MMP14: variants seen among roughly 807,000 people sequenced by gnomAD.
MMP14 encodes the protein matrix metallopeptidase 14.
A neutral mutation model predicts 64.8 loss-of-function variants in MMP14; 13 were observed. That is an observed-to-expected ratio of 0.20 (90% CI 0.13 to 0.32). MMP14 has a LOEUF of 0.32. Among genes scored for constraint, MMP14 ranks in the 10% least tolerant of loss-of-function variants. The pLI is 1.00. For synonymous variants in MMP14, 322 were observed against 315.9 expected, an observed-to-expected ratio of 1.02 and a Z score of -0.20; for missense variants, 594 against 783.8, an observed-to-expected ratio of 0.76 and a Z score of 2.89.
chr14:22,841,919 G>T lies in MMP14; in HGVS notation c.264G>T (p.Met88Ile). 1 of 1,614,228 alleles carries T rather than the reference G, an allele frequency of 6.2e-7. No homozygotes were observed. The highest frequency in any genetic ancestry group is 8.5e-7 in the Non-Finnish European group (1 of 1,180,050). ...GKADADTMKA[M>I]RRPRCGVPDK... ...GCACCCAAACCCACTCCAGGGCCATGAGGCGCCCCCGATGTGGTGTTCCAG... is the reference window on the plus strand; with the variant it reads ...GCACCCAAACCCACTCCAGGGCCATTAGGCGCCCCCGATGTGGTGTTCCAG... Residue 88 changes from methionine (M) to isoleucine (I), a missense_variant, in exon 3 of 10, where the codon ATG (methionine) becomes ATT (isoleucine). Transcript: ENST00000311852.
rs148114152 is a variant in MMP14, at chr14:22,845,109, G to A, written c.1302-142G>A. 3.7e-4 allele frequency: 243 copies of A among 657,690 alleles called. 1 individual carries two copies. The African/African-American group carries it at 3.8e-3, about 10-fold the overall frequency. The allele number at this position is 657,690 out of a possible 1,614,324, so 40.7% of individuals were successfully genotyped here. A position where few individuals can be genotyped will look rare whatever the true frequency, so the allele number is the denominator to read the frequency against. On this transcript the variant is annotated intron_variant, in intron 8 of 9. Coordinates refer to ENST00000311852, the MANE Select transcript of MMP14 (RefSeq NM_004995.4). The stretch of plus-strand genomic sequence containing the variant: ...CCACCCCCACCTTCCGCCGCTTTCA[G>A]CAGCAGGTCCTCATTACTCAAAACC...
Position 22,843,642 on chromosome 14 carries a change from C to G in MMP14, c.851-68C>G. The G allele has an allele frequency of 1.3e-6, 2 of 1,517,390 alleles. No individual in the cohort carries two copies. The highest frequency in any genetic ancestry group is 8.9e-7 in the Non-Finnish European group (1 of 1,124,102). 94.0% of individuals were successfully genotyped at this position (1,517,390 alleles called of 1,614,324 possible). Reference sequence around the variant, plus strand: ...ACACCTTTCCAAGGGTATTGTCTGCCCATCTGTCTGTCCTTCCGTCCCCGC... The same window carrying G: ...ACACCTTTCCAAGGGTATTGTCTGCGCATCTGTCTGTCCTTCCGTCCCCGC... On this transcript the variant is annotated intron_variant, in intron 5 of 9. Coordinates refer to ENST00000311852, the MANE Select transcript of MMP14 (RefSeq NM_004995.4). This position sits in a 1 kb window ranked among gnomAD's most constrained non-coding sequence, Gnocchi z 4.8.
In MMP14 at chr14:22,837,370, G is replaced by T. The variant is rs570042894; in HGVS notation, c.108+445G>T. On this transcript the variant is annotated intron_variant, in intron 1 of 9. Coordinates refer to ENST00000311852, the MANE Select transcript of MMP14 (RefSeq NM_004995.4). ...AGCTCTCCAGCGCTCTCCCGCCGGC[G>T]CGCCCTCCGATGGGCGCTTCGGCCT... 3.4e-4 allele frequency: 155 copies of T among 456,630 alleles called. 1 individual carries two copies. The highest frequency in any genetic ancestry group is 1.3e-3 in the South Asian group (85 of 64,568). The allele number at this position is 456,630 out of a possible 1,614,324, so 28.3% of individuals were successfully genotyped here. A position where few individuals can be genotyped will look rare whatever the true frequency, so the allele number is the denominator to read the frequency against.
chr14:22,842,699 AGGAATG>A lies in MMP14; in HGVS notation c.671_676del (p.Arg224_Glu226delinsLys). The A allele has an allele frequency of 6.2e-7, 1 of 1,604,022 alleles. No individual in the cohort carries two copies. Among genetic ancestry groups the A allele is most frequent in the Non-Finnish European group, 8.5e-7 (1 of 1,173,050 alleles). ...TGACTCTGCCGAGCCTTGGACTGTC[AGGAATG>A]AGGATCTGAATGGTGAGCCAAGTAT... On this transcript the variant is annotated inframe_deletion, in exon 4 of 10. Coordinates refer to ENST00000311852, the MANE Select transcript of MMP14 (RefSeq NM_004995.4). This position sits in a 1 kb window ranked among gnomAD's most constrained non-coding sequence, Gnocchi z 5.3.
intron 1 of MMP14, 71 bp from the exon 2 acceptor site, chr14:22,841,420 C>A: frequency 6.3e-7 from 1 of 1,574,938 alleles, no homozygotes; most frequent in Non-Finnish European, 8.6e-7. Flanking sequence ...GTATGCTGGG[C>A]ATTGTCGGGG....
At chr14:22,837,920 C>A (rs2138734584) in intron 1 of MMP14, among the ~76,000 whole-genome samples, 2 of 152,316 alleles carry the variant, frequency 1.3e-5, no homozygotes, top group Middle Eastern at 6.8e-3. Context: ...GCCATCTCAA[C>A]CCACTCAGCC....
Position 22,844,443 on chromosome 14 carries a change from C to T in MMP14, c.1084C>T (p.Arg362Trp), listed in dbSNP as rs775551564. The stretch of plus-strand genomic sequence containing the variant: ...CCCAATGCCCATTGGCCAGTTCTGG[C>T]GGGGCCTGCCTGCGTCCATCAACAC... ...GYPMPIGQFW[R>W]GLPASINTAY... Residue 362 changes from arginine (R) to tryptophan (W), a missense_variant, in exon 7 of 10, where the codon CGG becomes TGG. Around this residue, in one of 4 missense-constraint regions of MMP14, gnomAD observed 364 missense variants for 425.2 expected, o/e 0.86. Coordinates refer to ENST00000311852, the MANE Select transcript of MMP14 (RefSeq NM_004995.4). The T allele has an allele frequency of 1.1e-5, 18 of 1,613,964 alleles. No homozygotes were observed. The highest frequency in any genetic ancestry group is 1.6e-4 in the Middle Eastern group (1 of 6,084).
chr14:22,846,056 G>T lies in MMP14; in HGVS notation c.*17G>T. The T allele has an allele frequency of 6.9e-7, 1 of 1,457,648 alleles. No individual in the cohort carries two copies. 90.3% of individuals were successfully genotyped at this position (1,457,648 alleles called of 1,614,324 possible). A position where few individuals can be genotyped will look rare whatever the true frequency, so the allele number is the denominator to read the frequency against. On this transcript the variant is annotated 3_prime_UTR_variant, in exon 10 of 10. Transcript: ENST00000311852. ...AAGGTCTGACGCCCACCGCCGGCCC[G>T]CCCACTCCTACCACAAGGACTTTGC...
chr14:22,843,973 A>G lies in MMP14; in HGVS notation c.1011+103A>G, dbSNP rs2236308. On this transcript the variant is annotated intron_variant, in intron 6 of 9. Coordinates refer to ENST00000311852, the MANE Select transcript of MMP14 (RefSeq NM_004995.4). The surrounding 1 kb of genome is among the most constrained non-coding windows in gnomAD (Gnocchi z 4.8). Reference sequence around the variant, plus strand: ...CACTTTGAGAGGCCAAGGCAGGTGGATCACCTGAGGTCTGGAGTTCGAGAG... The same window carrying G: ...CACTTTGAGAGGCCAAGGCAGGTGGGTCACCTGAGGTCTGGAGTTCGAGAG... 0.39 allele frequency: 554,409 copies of G among 1,420,420 alleles called. 111,036 individuals are homozygous for G. Among genetic ancestry groups the G allele is most frequent in the East Asian group, 0.48 (20,400 of 42,216 alleles). The allele number at this position is 1,420,420 out of a possible 1,614,324, so 88.0% of individuals were successfully genotyped here. A position where few individuals can be genotyped will look rare whatever the true frequency, so the allele number is the denominator to read the frequency against.
Position 22,836,793 on chromosome 14 carries a change from C to A in MMP14, c.-25C>A. Reference sequence around the variant, plus strand: ...GGCCCGGCCGCGGAGCCCACACTGCCCGGCTGACCCGGTGGTCTCGGACCA... The same window carrying A: ...GGCCCGGCCGCGGAGCCCACACTGCACGGCTGACCCGGTGGTCTCGGACCA... On this transcript the variant is annotated 5_prime_UTR_variant, in exon 1 of 10. Transcript: ENST00000311852. 1 of 1,522,888 alleles carries A rather than the reference C, an allele frequency of 6.6e-7. No individual in the cohort carries two copies. The highest frequency in any genetic ancestry group is 9.0e-7 in the Non-Finnish European group (1 of 1,113,968). The allele number at this position is 1,522,888 out of a possible 1,614,324, so 94.3% of individuals were successfully genotyped here. A position where few individuals can be genotyped will look rare whatever the true frequency, so the allele number is the denominator to read the frequency against.
rs561255366 is a variant in MMP14, at chr14:22,845,974, T to C, written c.1684T>C (p.Phe562Leu). The C allele has an allele frequency of 8.7e-5, 137 of 1,568,506 alleles. No individual in the cohort carries two copies. The highest frequency in any genetic ancestry group is 5.7e-4 in the Middle Eastern group (3 of 5,272). ...GGCGGTGGGCCTTGCAGTCTTCTTCTTCAGACGCCATGGGACCCCCAGGCG... is the reference window on the plus strand; with the variant it reads ...GGCGGTGGGCCTTGCAGTCTTCTTCCTCAGACGCCATGGGACCCCCAGGCG... ...VLAVGLAVFF[F>L]RRHGTPRRLL... is the part of the protein sequence containing the mutation. The change falls in exon 10 of 10, where the codon TTC becomes CTC. Residue 562 changes from phenylalanine to leucine, a missense_variant. Physicochemically the swap from Phe to Leu is conservative, Grantham distance 22 (BLOSUM62 0). Around this residue, in one of 4 missense-constraint regions of MMP14, gnomAD observed 364 missense variants for 425.2 expected, o/e 0.86. Transcript: ENST00000311852.
Position 22,842,677 on chromosome 14 carries a change from C to T in MMP14, c.648C>T (p.Asp216=). ...ACATTGGAGGAGACACCCACTTTGA[C>T]TCTGCCGAGCCTTGGACTGTCAGGA... ...GPNIGGDTHF[D]SAEPWTVRNE... The change falls in exon 4 of 10, where the codon GAC becomes GAT. Residue 216 remains aspartate, a synonymous_variant. Coordinates refer to ENST00000311852, the MANE Select transcript of MMP14 (RefSeq NM_004995.4). The surrounding 1 kb of genome is among the most constrained non-coding windows in gnomAD (Gnocchi z 5.3). 2 of 1,612,636 alleles carry T rather than the reference C, an allele frequency of 1.2e-6. No homozygotes were observed. The highest frequency in any genetic ancestry group is 1.7e-6 in the Non-Finnish European group (2 of 1,179,016).
intron 1 of MMP14, among the ~76,000 whole-genome samples, chr14:22,840,214 G>A (rs1181575281): frequency 1.3e-5 from 2 of 151,984 alleles, no homozygotes; most frequent in Admixed American, 6.6e-5. Context: ...TGATCTGCCC[G>A]CCTTGGCCTC....
In MMP14 at chr14:22,843,863, T is replaced by C; in HGVS notation, c.1004T>C (p.Val335Ala). ...GCCATGCTCCGAGGGGAGATGTTTG[T>C]CTTCAAGGTGAGAAGAAGTGGGCTG... The part of the protein sequence containing the change: ...TVAMLRGEMF[V>A]FKERWFWRVR... Residue 335 changes from valine to alanine, a missense_variant, in exon 6 of 10, where the codon GTC becomes GCC. Physicochemically the swap from Val to Ala is moderately conservative, Grantham distance 64. This residue lies in a region of MMP14 where 364 missense variants were observed against 425.2 expected (regional missense o/e 0.86). Coordinates refer to ENST00000311852, the MANE Select transcript of MMP14 (RefSeq NM_004995.4). This position sits in a 1 kb window ranked among gnomAD's most constrained non-coding sequence, Gnocchi z 4.8. The C allele has an allele frequency of 6.2e-7, 1 of 1,610,770 alleles. No individual in the cohort carries two copies. Among genetic ancestry groups the C allele is most frequent in the Non-Finnish European group, 8.5e-7 (1 of 1,179,242 alleles).
rs2039780671 is a variant in MMP14 at position 22,842,538 on chromosome 14, G to C, written c.509G>C (p.Gly170Ala). 6.2e-7 allele frequency: 1 copy of C among 1,614,134 alleles called. No individual in the cohort carries two copies. Among genetic ancestry groups the C allele is most frequent in the African/African-American group, 1.3e-5 (1 of 75,070 alleles). Reference protein sequence around the residue: ...REVPYAYIREGHEKQADIMIF... With the variant: ...REVPYAYIREAHEKQADIMIF... ...GTGCCCTATGCCTACATCCGTGAGGGCCATGAGAAGCAGGCCGACATCATG... is the reference window on the plus strand; with the variant it reads ...GTGCCCTATGCCTACATCCGTGAGGCCCATGAGAAGCAGGCCGACATCATG... Residue 170 changes from glycine (G) to alanine (A), a missense_variant, in exon 4 of 10, where the codon GGC (glycine) becomes GCC (alanine). By Grantham distance (60) the Gly-to-Ala change is moderately conservative. Transcript: ENST00000311852. This position sits in a 1 kb window ranked among gnomAD's most constrained non-coding sequence, Gnocchi z 5.3.
chr14:22,843,820 G>A lies in MMP14; in HGVS notation c.961G>A (p.Gly321Arg), dbSNP rs746320385. Reference protein sequence around the residue: ...NPTYGPNICDGNFDTVAMLRG... With the variant: ...NPTYGPNICDRNFDTVAMLRG... ...CACCTATGGGCCCAACATCTGTGAC[G>A]GGAACTTTGACACCGTGGCCATGCT... Residue 321 changes from glycine (G) to arginine (R), a missense_variant, in exon 6 of 10, where the codon GGG (glycine) becomes AGG (arginine). Around this residue, in one of 4 missense-constraint regions of MMP14, gnomAD observed 364 missense variants for 425.2 expected, o/e 0.86. Coordinates refer to ENST00000311852, the MANE Select transcript of MMP14 (RefSeq NM_004995.4). This position sits in a 1 kb window ranked among gnomAD's most constrained non-coding sequence, Gnocchi z 4.8. 44 of 1,613,414 alleles carry A rather than the reference G, an allele frequency of 2.7e-5. No homozygotes were observed. Among genetic ancestry groups the A allele is most frequent in the Non-Finnish European group, 3.6e-5 (42 of 1,179,924 alleles).
Position 22,841,486 on chromosome 14 carries a change from T to A in MMP14, c.109-5T>A. ...ACACTCTAAGCCATACCCCTTTCCC[T>A]ACAGGCCTGGCTACAGCAATATGGC... On this transcript the variant is annotated splice_polypyrimidine_tract_variant and splice_region_variant and intron_variant, in intron 1 of 9. Transcript: ENST00000311852. 6.2e-7 allele frequency: 1 copy of A among 1,613,350 alleles called. No homozygotes were observed. Among genetic ancestry groups the A allele is most frequent in the South Asian group, 1.1e-5 (1 of 91,068 alleles).
chr14:22,838,308 T>C (rs1005061551), intron 1 of MMP14, among the ~76,000 whole-genome samples: 1 of 152,166 alleles, frequency 6.6e-6, no homozygotes, highest in Admixed American at 6.5e-5. Context: ...CTTCACTGCC[T>C]TACCTTTTTT....
Position 22,843,235 on chromosome 14 carries a change from G to T in MMP14, c.689-22G>T. 1 of 1,601,532 alleles carries T rather than the reference G, an allele frequency of 6.2e-7. No homozygotes were observed. The highest frequency in any genetic ancestry group is 8.5e-7 in the Non-Finnish European group (1 of 1,170,950). On this transcript the variant is annotated intron_variant, in intron 4 of 9. Coordinates refer to ENST00000311852, the MANE Select transcript of MMP14 (RefSeq NM_004995.4). The surrounding 1 kb of genome is among the most constrained non-coding windows in gnomAD (Gnocchi z 4.8). ...GAGGGAAGGGACTCAGGCTGCTATC[G>T]TCACTGTCCCCATCCTTCCAGGAAA...
Sources: allele counts gnomAD v4.1 joint callset (sites outside exome capture counted in the v4.1 genomes callset), GRCh38; gene constraint gnomAD v4.1.1; regional missense constraint gnomAD v4.1.1; non-coding constraint Gnocchi (gnomAD v3.1); transcripts MANE v1.5; gene names NCBI Gene and HGNC (gene_info 2026-07-23, HGNC 2026-07-21).